TATDN2: variants seen among roughly 807,000 people sequenced by gnomAD.
TATDN2 encodes the protein TatD DNase domain containing 2.
TATDN2 carries 44 observed loss-of-function variants against 60.3 expected under a neutral mutation model. That is an observed-to-expected ratio of 0.73 (90% CI 0.57 to 0.94). TATDN2 has a LOEUF of 0.94. Among genes scored for constraint, TATDN2 ranks in the 40% least tolerant of loss-of-function variants. TATDN2 has a pLI of 0.00. For synonymous variants in TATDN2, 399 were observed against 355.8 expected, an observed-to-expected ratio of 1.12 and a Z score of -1.37; for missense variants, 997 against 948.0, an observed-to-expected ratio of 1.05 and a Z score of -0.68.
intron 5 of TATDN2, among the ~76,000 whole-genome samples, chr3:10,276,916 A>G (rs572486066): frequency 6.6e-6 from 1 of 150,770 alleles, no homozygotes; most frequent in South Asian, 2.1e-4. Context: ...AGAATTAACT[A>G]TTAGGTTAAA....
intron 2 of TATDN2, among the ~76,000 whole-genome samples, chr3:10,250,625 C>T (rs1559458331): frequency 6.6e-6 from 1 of 152,168 alleles, no homozygotes; most frequent in Non-Finnish European, 1.5e-5. Context: ...CTGTATTTGA[C>T]TGTTTGTCTT....
intron 4 of TATDN2, among the ~76,000 whole-genome samples, chr3:10,271,894 A>G (rs1202068968): frequency 6.6e-6 from 1 of 151,426 alleles, no homozygotes; most frequent in East Asian, 2.0e-4. Flanking sequence ...TTGCGTGGCT[A>G]ATTTTTGTAT....
intron 2 of TATDN2, 92 bp from the exon 3 acceptor site, chr3:10,260,045 G>A: frequency 7.0e-7 from 1 of 1,431,206 alleles, no homozygotes; most frequent in Non-Finnish European, 9.4e-7. Context: ...CCTTTGACTG[G>A]TAGAACCACC....
At position 10,260,649 on chromosome 3, in the gene TATDN2, C is replaced by G. The variant is rs751471377; in HGVS notation, c.927C>G (p.Asp309Glu). The change falls in exon 3 of 8, where the codon GAC (aspartate) becomes GAG (glutamate). Residue 309 changes from aspartate to glutamate, a missense_variant. By Grantham distance (45) the Asp-to-Glu change is conservative. Transcript: ENST00000448281. ...CCCTAGAGTTCTTGGATGACTCTGACTCTCATTTAGAAATCCAAAAGGTGA... is the reference window on the plus strand; with the variant it reads ...CCCTAGAGTTCTTGGATGACTCTGAGTCTCATTTAGAAATCCAAAAGGTGA... Reference protein sequence around the residue: ...SPPLEFLDDSDSHLEIQKHKD... With the variant: ...SPPLEFLDDSESHLEIQKHKD... The G allele has an allele frequency of 1.2e-6, 2 of 1,613,404 alleles. No homozygotes were observed. Among genetic ancestry groups the G allele is most frequent in the Admixed American group, 1.7e-5 (1 of 59,930 alleles).
intron 3 of TATDN2, among the ~76,000 whole-genome samples, chr3:10,268,093 A>G (rs242736): frequency 0.19 from 28,780 of 152,176 alleles, 3,683 homozygotes; most frequent in African/African-American, 0.36. Context: ...GAATCACCAG[A>G]TGCCCATCAC....
At chr3:10,264,014 C>A (rs1311140066) in intron 3 of TATDN2, among the ~76,000 whole-genome samples, 1 of 152,096 alleles carries the variant, frequency 6.6e-6, no homozygotes, top group Non-Finnish European at 1.5e-5. Context: ...GCGGGGGCGG[C>A]GTCAGCATTC....
chr3:10,276,691 C>G (rs1488069343), intron 5 of TATDN2, among the ~76,000 whole-genome samples: 2 of 151,718 alleles, frequency 1.3e-5, no homozygotes, highest in Non-Finnish European at 2.9e-5. Flanking sequence ...CGGGTTCAAA[C>G]AATTCTCCTG....
At chr3:10,255,200 G>C (rs1338956869) in intron 2 of TATDN2, among the ~76,000 whole-genome samples, 4 of 148,990 alleles carry the variant, frequency 2.7e-5, no homozygotes, top group Non-Finnish European at 5.9e-5. Context: ...TTTGTAGAGA[G>C]GGGTTTTTTT....
intron 4 of TATDN2, among the ~76,000 whole-genome samples, chr3:10,275,762 A>ACAAAG (rs1255871137): frequency 6.9e-4 from 1 of 1,454 alleles, no homozygotes; most frequent in African/African-American, 1.5e-3. Context: ...ACAAAACAAA[A>ACAAAG]CAAAACAAAA....
intron 2 of TATDN2, among the ~76,000 whole-genome samples, chr3:10,254,763 T>A (rs921297410): frequency 6.6e-6 from 1 of 152,168 alleles, no homozygotes; most frequent in African/African-American, 2.4e-5. Flanking sequence ...CTTTCCTTCT[T>A]TCCTTTGGAG....
chr3:10,275,687 A>G (rs553632734), intron 4 of TATDN2, among the ~76,000 whole-genome samples: 15 of 152,320 alleles, frequency 9.8e-5, no homozygotes, highest in Admixed American at 3.9e-4. Context: ...TGGAGGCTGA[A>G]GTGAGCTGCA....
At chr3:10,250,073 A>G (rs1698198207) in intron 2 of TATDN2, among the ~76,000 whole-genome samples, 1 of 151,080 alleles carries the variant, frequency 6.6e-6, no homozygotes, top group African/African-American at 2.4e-5. Context: ...ACTTTGAACC[A>G]CTCTGAATCA....
intron 5 of TATDN2, among the ~76,000 whole-genome samples, chr3:10,277,393 T>A (rs1231496215): frequency 3.3e-5 from 5 of 152,108 alleles, no homozygotes; most frequent in Non-Finnish European, 7.4e-5. Context: ...CTACATAGCA[T>A]GTGGGACTGG....
Position 10,260,548 on chromosome 3 carries a change from G to C in TATDN2, c.826G>C (p.Val276Leu), listed in dbSNP as rs1690142683. ...GAGCAGCTTCTATGACAGGAGAGTA[G>C]TTATAGACCCTCAAGAGAAACCCAG... ...ERSSFYDRRV[V>L]IDPQEKPSEE... Residue 276 changes from valine to leucine, a missense_variant, in exon 3 of 8, where the codon GTT becomes CTT. By Grantham distance (32) the Val-to-Leu change is conservative. Coordinates refer to ENST00000448281, the MANE Select transcript of TATDN2 (RefSeq NM_014760.4). The C allele has an allele frequency of 6.2e-7, 1 of 1,614,070 alleles. No individual in the cohort carries two copies. The highest frequency in any genetic ancestry group is 1.7e-5 in the Admixed American group (1 of 60,004).
In TATDN2 at chr3:10,278,876, G is replaced by T; in HGVS notation, c.2146-9G>T. On this transcript the variant is annotated splice_polypyrimidine_tract_variant and intron_variant, in intron 6 of 7. Transcript: ENST00000448281. This position sits in a 1 kb window ranked among gnomAD's most constrained non-coding sequence, Gnocchi z 4.7. The stretch of plus-strand genomic sequence containing the variant: ...CACAATGATGTTATGACCACTTGAT[G>T]TCTTCCAGGTTCCCAAAAGCCTTTG... The T allele has an allele frequency of 6.2e-7, 1 of 1,614,014 alleles. No homozygotes were observed. Among genetic ancestry groups the T allele is most frequent in the Non-Finnish European group, 8.5e-7 (1 of 1,179,962 alleles).
rs542857806 is a variant in TATDN2 at position 10,260,860 on chromosome 3, T to G, written c.948+190T>G. On this transcript the variant is annotated intron_variant, in intron 3 of 7. Transcript: ENST00000448281. ...TTCAGAGTTATTAATAAACCTAAAC[T>G]AAGTGCTTTTTTTTTTTTTTGAAGG... Among the ~76,000 whole-genome samples the G allele has an allele frequency of 3.0e-4, 41 of 135,584 alleles. No homozygotes were observed. In the East Asian group the frequency reaches 6.1e-3, roughly 20 times the overall value. 88.9% of individuals were successfully genotyped at this position (135,584 alleles called of 152,430 possible). A position where few individuals can be genotyped will look rare whatever the true frequency, so the allele number is the denominator to read the frequency against.
At chr3:10,254,743 C>T (rs1302181428) in intron 2 of TATDN2, among the ~76,000 whole-genome samples, 1 of 152,158 alleles carries the variant, frequency 6.6e-6, no homozygotes, top group Admixed American at 6.5e-5. Flanking sequence ...GGAGCAACAT[C>T]TCCACTTATC....
At chr3:10,269,909 C>T (rs990111814) in intron 3 of TATDN2, among the ~76,000 whole-genome samples, 1 of 152,140 alleles carries the variant, frequency 6.6e-6, no homozygotes, top group Non-Finnish European at 1.5e-5. Flanking sequence ...CAGGCCTATT[C>T]CCTGAACCCA....
intron 2 of TATDN2, among the ~76,000 whole-genome samples, chr3:10,253,013 T>G (rs536136731): frequency 6.6e-6 from 1 of 152,234 alleles, no homozygotes; most frequent in African/African-American, 2.4e-5. Flanking sequence ...CACGCCACCA[T>G]GTCCGGCTAA....
Sources: gnomAD v4.1 joint callset for allele counts (sites outside exome capture counted in the v4.1 genomes callset) on GRCh38, gnomAD v4.1.1 for gene constraint, Gnocchi (gnomAD v3.1) non-coding constraint, MANE v1.5 for transcripts, NCBI Gene and HGNC (gene_info 2026-07-23, HGNC 2026-07-21) for gene names.